The following VIRMA variants were observed in gnomAD, a reference collection of about 807,000 sequenced individuals.
VIRMA encodes vir like m6A methyltransferase associated.
Under a neutral mutation model 182.4 loss-of-function variants are expected in VIRMA, and 65 were observed. The observed-to-expected ratio is 0.36, with a 90% CI of 0.29 to 0.44. The LOEUF (loss-of-function observed/expected upper bound fraction) is 0.44. Among genes scored for constraint, VIRMA ranks in the 20% least tolerant of loss-of-function variants. VIRMA has a pLI of 1.00. For missense variants in VIRMA, 1,752 were observed against 2,158.1 expected, an observed-to-expected ratio of 0.81 and a Z score of 3.73; for synonymous variants, 709 against 743.1, an observed-to-expected ratio of 0.95 and a Z score of 0.75.
Position 94,511,349 on chromosome 8 carries a change from T to C in VIRMA, c.3226A>G (p.Asn1076Asp). The change falls in exon 13 of 24, where the codon AAT becomes GAT. Residue 1076 changes from asparagine (N) to aspartate (D), a missense_variant. Physicochemically the swap from Asn to Asp is conservative, Grantham distance 23 (BLOSUM62 1). This residue lies in a region of VIRMA where 777 missense variants were observed against 920.6 expected (regional missense o/e 0.84). Coordinates refer to ENST00000297591, the MANE Select transcript of VIRMA (RefSeq NM_015496.5). ...DILLTFTQGV[N>D]EKLTISEETL... is the part of the protein sequence containing the mutation. ...TCTTCTGAGATTGTGAGTTTTTCAT[T>C]AACTCCTTGTGTAAAAGTCAGTAAA... 6.2e-7 allele frequency: 1 copy of C among 1,613,876 alleles called. No individual in the cohort carries two copies. Among genetic ancestry groups the C allele is most frequent in the Non-Finnish European group, 8.5e-7 (1 of 1,179,938 alleles).
chr8:94,547,672 AT>A (rs1329662521), intron 1 of VIRMA, among the ~76,000 whole-genome samples: 2 of 151,040 alleles, frequency 1.3e-5, no homozygotes, highest in African/African-American at 5.0e-5. Context: ...TATTAAAAAA[AT>A]AACTAAAAAT....
chr8:94,532,009 CA>C lies in VIRMA; in HGVS notation c.485-925del, dbSNP rs201235659. 6.1e-3 allele frequency among the ~76,000 whole-genome samples: 933 copies of C among 152,248 alleles called. 13 individuals are homozygous for C. The highest frequency in any genetic ancestry group is 0.021 in the African/African-American group (889 of 41,546). On this transcript the variant is annotated intron_variant, in intron 5 of 23. Coordinates refer to ENST00000297591, the MANE Select transcript of VIRMA (RefSeq NM_015496.5). The stretch of plus-strand genomic sequence containing the variant: ...AAATGGTGAACAGATTAGTGGCTGC[CA>C]AAGGCTAGAGATGGGTGGGATGAAT...
Position 94,519,160 on chromosome 8 carries a change from G to A in VIRMA, c.2338C>T (p.Arg780Cys), listed in dbSNP as rs772465076. ...CITELFSHFQ[R>C]CTASEETDHS... ...TCTGTTTCTTCACTGGCTGTACAAC[G>A]CTGAAAATGGCTGAACAGTTCTGTA... The change falls in exon 9 of 24, where the codon CGT becomes TGT. Residue 780 changes from arginine (R) to cysteine (C), a missense_variant. Around this residue, in one of 11 missense-constraint regions of VIRMA, gnomAD observed 45 missense variants for 91.0 expected, o/e 0.49. Transcript: ENST00000297591. 26 of 1,613,920 alleles carry A rather than the reference G, an allele frequency of 1.6e-5. No homozygotes were observed. Among genetic ancestry groups the A allele is most frequent in the African/African-American group, 5.3e-5 (4 of 74,924 alleles).
At chr8:94,504,968 C>T (rs760674997) in intron 16 of VIRMA, among the ~76,000 whole-genome samples, 37 of 152,140 alleles carry the variant, frequency 2.4e-4, no homozygotes, top group Non-Finnish European at 4.0e-4. Context: ...AATACGATAG[C>T]ACAGGTGTAC....
intron 1 of VIRMA, among the ~76,000 whole-genome samples, chr8:94,551,393 G>C (rs1463041054): frequency 6.6e-6 from 1 of 152,164 alleles, no homozygotes; most frequent in African/African-American, 2.4e-5. Context: ...TTCTTTATGT[G>C]ATCATCACAT....
chr8:94,503,424 G>T (rs1180083940), intron 16 of VIRMA, among the ~76,000 whole-genome samples: 1 of 152,018 alleles, frequency 6.6e-6, no homozygotes, highest in Admixed American at 6.6e-5. Context: ...TATCAACAAA[G>T]AATAATGTCA....
At position 94,509,645 on chromosome 8, in the gene VIRMA, C is replaced by CAT. The variant is rs751021691; in HGVS notation, c.3879+41_3879+42dup. 3.3e-6 allele frequency: 5 copies of CAT among 1,512,106 alleles called. No homozygotes were observed. In the Admixed American group the frequency reaches 7.7e-5, roughly 23 times the overall value. The allele number at this position is 1,512,106 out of a possible 1,614,324, so 93.7% of individuals were successfully genotyped here. On this transcript the variant is annotated intron_variant, in intron 15 of 23. Transcript: ENST00000297591. ...TTAAATACACACACACACACACACA[C>CAT]ATACACATGCAGAGAGAGACTTTAT...
chr8:94,510,636 T>A lies in VIRMA; in HGVS notation c.3407A>T (p.Asp1136Val). ...TCGGGTGTTGAGTGCCACTGATATA[T>A]CATGTGGCTCAATAACCTGTTAAAA... ...MQTTQVIEPH[D>V]ISVALNTRKL... Residue 1136 changes from aspartate to valine, a missense_variant, in exon 14 of 24, where the codon GAT (aspartate) becomes GTT (valine). Physicochemically the swap from Asp to Val is radical, Grantham distance 152. Coordinates refer to ENST00000297591, the MANE Select transcript of VIRMA (RefSeq NM_015496.5). 6.2e-7 allele frequency: 1 copy of A among 1,612,998 alleles called. No homozygotes were observed. Among genetic ancestry groups the A allele is most frequent in the Non-Finnish European group, 8.5e-7 (1 of 1,179,012 alleles).
At chr8:94,502,374 T>C (rs1427032731) in intron 16 of VIRMA, among the ~76,000 whole-genome samples, 2 of 151,764 alleles carry the variant, frequency 1.3e-5, no homozygotes, top group African/African-American at 4.8e-5. Context: ...CACCAAGTAT[T>C]AGTATGAATT....
chr8:94,499,340 A>C, intron 17 of VIRMA, 34 bp downstream of exon 17: 1 of 1,427,802 alleles, frequency 7.0e-7, no homozygotes, highest in Non-Finnish European at 9.5e-7. Context: ...ACATACATAC[A>C]TATATACACA....
At chr8:94,515,996 T>C (rs1814550026) in intron 10 of VIRMA, among the ~76,000 whole-genome samples, 1 of 151,602 alleles carries the variant, frequency 6.6e-6, no homozygotes, top group South Asian at 2.1e-4. Flanking sequence ...TAGTCCCAGC[T>C]ACTAGGGAGG....
intron 2 of VIRMA, among the ~76,000 whole-genome samples, chr8:94,542,610 T>C (rs1239861313): frequency 6.6e-6 from 1 of 151,914 alleles, no homozygotes; most frequent in South Asian, 2.1e-4. Flanking sequence ...GGATATACTA[T>C]CATTATCCAA....
chr8:94,504,668 G>C (rs535207788), intron 16 of VIRMA, among the ~76,000 whole-genome samples: 2 of 152,262 alleles, frequency 1.3e-5, no homozygotes, highest in South Asian at 4.2e-4. Flanking sequence ...CTATTGCAAT[G>C]GGCTATGCAA....
At position 94,530,946 on chromosome 8, in the gene VIRMA, A is replaced by G. The variant is rs1328021524; in HGVS notation, c.607+17T>C. 3 of 1,597,316 alleles carry G rather than the reference A, an allele frequency of 1.9e-6. No individual in the cohort carries two copies. The highest frequency in any genetic ancestry group is 2.7e-5 in the African/African-American group (2 of 73,540). ...ATTAACTAGGGGGGAAAACCTTAGC[A>G]CTGGTTTTATTTATACCTGGCAGAG... On this transcript the variant is annotated intron_variant, in intron 6 of 23. Coordinates refer to ENST00000297591, the MANE Select transcript of VIRMA (RefSeq NM_015496.5).
At chr8:94,545,647 C>T (rs1236073959) in intron 1 of VIRMA, among the ~76,000 whole-genome samples, 1 of 152,180 alleles carries the variant, frequency 6.6e-6, no homozygotes, top group Non-Finnish European at 1.5e-5. Context: ...ATGATACAGA[C>T]TCACAAAGGA....
chr8:94,527,644 C>T (rs1180679069), intron 7 of VIRMA, among the ~76,000 whole-genome samples: 4 of 152,050 alleles, frequency 2.6e-5, no homozygotes, highest in Non-Finnish European at 5.9e-5. Context: ...CTAACTGTAA[C>T]AGATATCTTT....
At chr8:94,489,629 C>T (rs1162938036) in intron 23 of VIRMA, among the ~76,000 whole-genome samples, 1 of 152,044 alleles carries the variant, frequency 6.6e-6, no homozygotes, top group Non-Finnish European at 1.5e-5. Flanking sequence ...ATTTTCTCTT[C>T]CTTATGATTT....
intron 11 of VIRMA, among the ~76,000 whole-genome samples, chr8:94,512,894 A>T (rs1189594177): frequency 1.3e-5 from 2 of 152,234 alleles, no homozygotes; most frequent in East Asian, 3.8e-4. Context: ...ATACCAACAG[A>T]GTCTAGTATT....
chr8:94,533,307 A>G (rs756418219), intron 5 of VIRMA, among the ~76,000 whole-genome samples: 2 of 152,202 alleles, frequency 1.3e-5, no homozygotes, highest in African/African-American at 2.4e-5. Flanking sequence ...CCACATTACT[A>G]TATCAGGATT....
Sources: allele counts gnomAD v4.1 joint callset (sites outside exome capture counted in the v4.1 genomes callset), GRCh38; gene constraint gnomAD v4.1.1; regional missense constraint gnomAD v4.1.1; transcripts MANE v1.5; gene names NCBI Gene and HGNC (gene_info 2026-07-23, HGNC 2026-07-21).